GRIP1: variants seen among roughly 807,000 people sequenced by gnomAD.
The protein encoded by GRIP1 is glutamate receptor interacting protein 1, also known as glutamate receptor-interacting protein 1.
A neutral mutation model predicts 129.9 loss-of-function variants in GRIP1; 45 were observed. The observed-to-expected ratio is 0.35, with a 90% CI of 0.27 to 0.44. The LOEUF is 0.44. Ranked by LOEUF, GRIP1 falls within the 20% of genes least tolerant of loss-of-function variation. The pLI is 1.00. For missense variants in GRIP1, 1,196 were observed against 1,396.8 expected, an observed-to-expected ratio of 0.86 and a Z score of 2.29; for synonymous variants, 530 against 520.8, an observed-to-expected ratio of 1.02 and a Z score of -0.24.
rs559442596 is a variant in GRIP1 at position 66,492,778 on chromosome 12, C to T, written c.724+22841G>A. Among the ~76,000 whole-genome samples, 15 of 152,078 alleles carry T rather than the reference C, an allele frequency of 9.9e-5. No individual in the cohort carries two copies. The East Asian group carries it at 1.9e-3, about 20-fold the overall frequency. On this transcript the variant is annotated intron_variant, in intron 7 of 24. Transcript: ENST00000359742. ...TAATCCCAGCACTTTGGGAGGCCAA[C>T]GCGAGTGGATCACTTGAGGTCAGGA...
intron 1 of GRIP1, among the ~76,000 whole-genome samples, chr12:66,719,243 C>G (rs2035985751): frequency 6.6e-6 from 1 of 151,920 alleles, no homozygotes; most frequent in Non-Finnish European, 1.5e-5. Context: ...CTATTTTGCT[C>G]TAGAAGATAA....
chr12:66,441,289 G>A (rs770493085), intron 13 of GRIP1, among the ~76,000 whole-genome samples: 4 of 151,978 alleles, frequency 2.6e-5, no homozygotes, highest in Non-Finnish European at 5.9e-5. Flanking sequence ...TTCTCCTTCC[G>A]TTTCTCAAGG....
chr12:66,904,238 T>C (rs10506515), intron 1 of GRIP1, among the ~76,000 whole-genome samples: 39,490 of 152,140 alleles, frequency 0.26, 5,542 homozygotes, highest in East Asian at 0.45. Context: ...AGAGACGTTT[T>C]CAACCTTTCT....
chr12:66,914,966 A>G (rs961986631), intron 1 of GRIP1, among the ~76,000 whole-genome samples: 1 of 152,150 alleles, frequency 6.6e-6, no homozygotes, highest in African/African-American at 2.4e-5. Context: ...CTCCCCTCGC[A>G]AAAAAGACTA....
At chr12:67,011,791 G>A (rs780730459) in intron 1 of GRIP1, among the ~76,000 whole-genome samples, 1 of 152,064 alleles carries the variant, frequency 6.6e-6, no homozygotes. Flanking sequence ...TTATCCACCA[G>A]GCAAGGGGTC....
intron 2 of GRIP1, 64 bp downstream of exon 2, chr12:66,596,783 T>C: frequency 1.1e-6 from 1 of 907,908 alleles, no homozygotes. Flanking sequence ...TGGAATTATT[T>C]AGAATCACCA....
At chr12:66,803,878 T>C in intron 1 of GRIP1, 1 of 311,756 alleles carries the variant, frequency 3.2e-6, no homozygotes, top group Middle Eastern at 4.5e-4. Context: ...GATGCTATTA[T>C]CTAATGGCTG....
At chr12:66,539,835 A>C (rs1477225198) in intron 3 of GRIP1, among the ~76,000 whole-genome samples, 1 of 152,102 alleles carries the variant, frequency 6.6e-6, no homozygotes, top group African/African-American at 2.4e-5. Flanking sequence ...TAACATTCTT[A>C]TCTCTCTATA....
intron 1 of GRIP1, among the ~76,000 whole-genome samples, chr12:66,689,563 T>C (rs1456817131): frequency 6.6e-6 from 1 of 152,200 alleles, no homozygotes; most frequent in Non-Finnish European, 1.5e-5. Flanking sequence ...AAAAATTGTA[T>C]ATATTCAAGG....
intron 1 of GRIP1, among the ~76,000 whole-genome samples, chr12:66,795,288 A>G (rs974002270): frequency 2.1e-4 from 32 of 152,348 alleles, no homozygotes; most frequent in Non-Finnish European, 4.4e-4. Context: ...TACATTTGAC[A>G]TGTGCCTAGT....
intron 1 of GRIP1, among the ~76,000 whole-genome samples, chr12:66,601,802 A>G (rs959103875): frequency 1.3e-5 from 2 of 152,238 alleles, no homozygotes; most frequent in African/African-American, 2.4e-5. Context: ...TGAACAAAAT[A>G]AAATCCGCTG....
intron 1 of GRIP1, among the ~76,000 whole-genome samples, chr12:66,917,144 TAA>T (rs1202012299): frequency 1.3e-5 from 2 of 152,244 alleles, no homozygotes; most frequent in African/African-American, 4.8e-5. Flanking sequence ...CCCATGTATT[TAA>T]AGAGTATTTT....
At chr12:66,506,960 A>C (rs2060545922) in intron 7 of GRIP1, among the ~76,000 whole-genome samples, 1 of 152,182 alleles carries the variant, frequency 6.6e-6, no homozygotes. Context: ...GTAAAATACC[A>C]TTGTCATTTA....
chr12:66,513,086 T>G (rs2060746585), intron 7 of GRIP1, among the ~76,000 whole-genome samples: 1 of 152,188 alleles, frequency 6.6e-6, no homozygotes, highest in Non-Finnish European at 1.5e-5. Context: ...CATCATTTAC[T>G]TATTAGTTGA....
rs765840890 is a variant in GRIP1, at chr12:66,455,499, T to A, written c.1264A>T (p.Met422Leu). ...MSAYSLSSLN[M>L]GTLPRSLYST... is the part of the protein sequence containing the mutation. ...TAGAGGCTTCGAGGTAGAGTCCCCATGTTCAGGGAACTCAGGCTGTATGCA... is the reference window on the plus strand; with the variant it reads ...TAGAGGCTTCGAGGTAGAGTCCCCAAGTTCAGGGAACTCAGGCTGTATGCA... Residue 422 changes from methionine to leucine, a missense_variant, in exon 11 of 25, where the codon ATG becomes TTG. Coordinates refer to ENST00000359742, the MANE Select transcript of GRIP1 (RefSeq NM_001366722.1). The A allele has an allele frequency of 6.2e-7, 1 of 1,612,392 alleles. No individual in the cohort carries two copies. The highest frequency in any genetic ancestry group is 8.5e-7 in the Non-Finnish European group (1 of 1,178,408).
intron 1 of GRIP1, among the ~76,000 whole-genome samples, chr12:66,850,842 A>T (rs1158267760): frequency 2.0e-5 from 3 of 151,698 alleles, no homozygotes; most frequent in Non-Finnish European, 2.9e-5. Flanking sequence ...TCTCATTAAT[A>T]TGAATGTGAC....
intron 7 of GRIP1, among the ~76,000 whole-genome samples, chr12:66,496,913 GA>G (rs566440836): frequency 3.3e-5 from 5 of 151,784 alleles, no homozygotes; most frequent in Admixed American, 3.3e-4. Context: ...AGGAACAAAA[GA>G]AAAAAGGAAG....
upstream of GRIP1, among the ~76,000 whole-genome samples, chr12:66,808,296 TTTG>T (rs1210179247): frequency 6.6e-6 from 1 of 152,062 alleles, no homozygotes; most frequent in Non-Finnish European, 1.5e-5. Flanking sequence ...TTCTTGGTTT[TTTG>T]TTTTTTTGTT....
chr12:66,590,492 T>C (rs1402556307), intron 2 of GRIP1, among the ~76,000 whole-genome samples: 1 of 152,190 alleles, frequency 6.6e-6, no homozygotes, highest in Non-Finnish European at 1.5e-5. Flanking sequence ...ATCAGTTCTC[T>C]GGAGGAGATA....
Sources: allele counts gnomAD v4.1 joint callset (sites outside exome capture counted in the v4.1 genomes callset), GRCh38; gene constraint gnomAD v4.1.1; transcripts MANE v1.5; gene names NCBI Gene and HGNC (gene_info 2026-07-23, HGNC 2026-07-21).